TSHZ3: variants seen among roughly 807,000 people sequenced by gnomAD.
The protein encoded by TSHZ3 is teashirt zinc finger homeobox 3.
In TSHZ3, 10 loss-of-function variants were observed where a neutral mutation model predicts 64.5. That is an observed-to-expected ratio of 0.16 (90% confidence interval 0.10 to 0.26). TSHZ3 has a LOEUF of 0.26. Among genes scored for constraint, TSHZ3 ranks in the 10% least tolerant of loss-of-function variants. TSHZ3 has a pLI of 1.00. For synonymous variants in TSHZ3, 608 were observed against 593.1 expected (o/e 1.03, Z -0.36); for missense variants, 1,242 against 1,421.7 (o/e 0.87, Z 2.03).
intron 1 of TSHZ3, among the ~76,000 whole-genome samples, chr19:31,256,266 C>T (rs944224432): frequency 6.6e-5 from 10 of 152,160 alleles, no homozygotes; most frequent in African/African-American, 2.4e-4. Flanking sequence ...TCTTCCCTGT[C>T]TAGTGAAGAA....
At chr19:31,218,788 G>A (rs1975364069) in intron 4 of TSHZ3, among the ~76,000 whole-genome samples, 1 of 152,196 alleles carries the variant, frequency 6.6e-6, no homozygotes, top group Non-Finnish European at 1.5e-5. Flanking sequence ...TAATTGGGGT[G>A]GGGGAAGCCA....
chr19:31,346,139 C>T (rs1599663343), intron 1 of TSHZ3, among the ~76,000 whole-genome samples: 1 of 152,180 alleles, frequency 6.6e-6, no homozygotes, highest in Non-Finnish European at 1.5e-5. Flanking sequence ...GAGCCTGCTT[C>T]GGCCTTCGGG....
At chr19:31,330,527 C>T (rs1264712954) in intron 1 of TSHZ3, among the ~76,000 whole-genome samples, 8 of 152,298 alleles carry the variant, frequency 5.3e-5, no homozygotes, top group African/African-American at 1.2e-4. Context: ...CGGTCAGCAT[C>T]GCCCCAATGT....
intron 1 of TSHZ3, among the ~76,000 whole-genome samples, chr19:31,281,602 T>C (rs1976361798): frequency 6.6e-6 from 1 of 152,098 alleles, no homozygotes; most frequent in Non-Finnish European, 1.5e-5. Context: ...CCATGCACTT[T>C]GAGATGACAA....
chr19:31,186,303 C>T (rs1974808907), intron 5 of TSHZ3, among the ~76,000 whole-genome samples: 1 of 152,092 alleles, frequency 6.6e-6, no homozygotes, highest in Non-Finnish European at 1.5e-5. Flanking sequence ...TCCCATAATC[C>T]CCATGTGTCA....
chr19:31,199,584 C>T (rs537145001), intron 5 of TSHZ3, among the ~76,000 whole-genome samples: 1 of 149,838 alleles, frequency 6.7e-6, no homozygotes, highest in Admixed American at 6.7e-5. Context: ...TTACATTCTT[C>T]CCCCAAATGA....
At chr19:31,283,671 A>C (rs1385297982) in intron 1 of TSHZ3, among the ~76,000 whole-genome samples, 1 of 152,182 alleles carries the variant, frequency 6.6e-6, no homozygotes, top group Non-Finnish European at 1.5e-5. Flanking sequence ...ATGGCCTTTC[A>C]GAGAAGGTAA....
intron 3 of TSHZ3, among the ~76,000 whole-genome samples, chr19:31,233,409 A>G (rs1373873194): frequency 1.3e-5 from 2 of 152,212 alleles, no homozygotes; most frequent in East Asian, 1.9e-4. Context: ...TGAAATGCCT[A>G]TTCAGAACTT....
At chr19:31,155,731 C>T (rs919270933) in intron 6 of TSHZ3, among the ~76,000 whole-genome samples, 1 of 152,194 alleles carries the variant, frequency 6.6e-6, no homozygotes, top group Non-Finnish European at 1.5e-5. Context: ...GATAATTTGA[C>T]TTCTATCTTG....
chr19:31,176,687 G>A (rs954586660), intron 5 of TSHZ3, among the ~76,000 whole-genome samples: 1 of 152,152 alleles, frequency 6.6e-6, no homozygotes, highest in East Asian at 1.9e-4. Context: ...CTCCTAGGGA[G>A]GCTGAGGTGG....
chr19:31,198,024 A>T (rs190009302), intron 5 of TSHZ3, among the ~76,000 whole-genome samples: 179 of 152,212 alleles, frequency 1.2e-3, no homozygotes, highest in African/African-American at 3.2e-3. Flanking sequence ...CAAAATTCTC[A>T]TGGACATAGA....
chr19:31,198,126 A>G (rs974874895), intron 5 of TSHZ3, among the ~76,000 whole-genome samples: 7 of 152,164 alleles, frequency 4.6e-5, no homozygotes, highest in Admixed American at 6.5e-5. Context: ...TATCCCTGGT[A>G]TGCAAAAACA....
At chr19:31,266,715 T>G (rs1346285622) in intron 1 of TSHZ3, among the ~76,000 whole-genome samples, 1 of 152,212 alleles carries the variant, frequency 6.6e-6, no homozygotes. Context: ...CACACGGGAA[T>G]AGAATAAAAT....
intron 1 of TSHZ3, among the ~76,000 whole-genome samples, chr19:31,313,110 C>T (rs921043191): frequency 2.6e-5 from 4 of 152,022 alleles, no homozygotes; most frequent in Non-Finnish European, 5.9e-5. Context: ...GATGCCAAAC[C>T]TGCTTGGGGG....
chr19:31,340,338 CAAA>C (rs1160334453), intron 1 of TSHZ3, among the ~76,000 whole-genome samples: 120 of 32,732 alleles, frequency 3.7e-3, no homozygotes, highest in East Asian at 0.013. Flanking sequence ...GCCTACAGTA[CAAA>C]AAAAAAAAAA....
intron 3 of TSHZ3, among the ~76,000 whole-genome samples, chr19:31,231,123 A>T (rs1320678210): frequency 6.6e-6 from 1 of 152,198 alleles, no homozygotes; most frequent in Non-Finnish European, 1.5e-5. Context: ...ACTGACATTT[A>T]TTAAGCACTT....
intron 1 of TSHZ3, among the ~76,000 whole-genome samples, chr19:31,314,217 T>C (rs1916541224): frequency 1.3e-5 from 2 of 152,158 alleles, no homozygotes; most frequent in Non-Finnish European, 2.9e-5. Context: ...TTCCCTACAG[T>C]CTGCACGAGA....
intron 1 of TSHZ3, among the ~76,000 whole-genome samples, chr19:31,329,115 T>C (rs1917005687): frequency 6.6e-6 from 1 of 152,160 alleles, no homozygotes; most frequent in African/African-American, 2.4e-5. Flanking sequence ...GGCACATGTA[T>C]TGCACTGAAA....
At chr19:31,317,356 C>T (rs148326086) in intron 1 of TSHZ3, among the ~76,000 whole-genome samples, 42 of 152,300 alleles carry the variant, frequency 2.8e-4, no homozygotes, top group African/African-American at 8.4e-4. Context: ...CACATCGGGA[C>T]GATGGGGATG....
Sources: gnomAD v4.1 joint callset for allele counts (sites outside exome capture counted in the v4.1 genomes callset) on GRCh38, gnomAD v4.1.1 for gene constraint, MANE v1.5 for transcripts, NCBI Gene and HGNC (gene_info 2026-07-23, HGNC 2026-07-21) for gene names.